THSD7A: variants seen among roughly 807,000 people sequenced by gnomAD.
THSD7A encodes the protein thrombospondin type-1 domain-containing protein 7A.
In THSD7A, 96 loss-of-function variants were observed where a neutral mutation model predicts 231.3. The ratio of observed to expected loss-of-function variants is 0.41; its 90% confidence interval spans 0.35 to 0.49. THSD7A has a LOEUF of 0.49. THSD7A is among the 20% of genes least tolerant of loss of function. The pLI, the probability that THSD7A is intolerant of heterozygous loss-of-function variation, is 0.05. For missense variants in THSD7A, 2,290 were observed against 2,070.2 expected (o/e 1.11, Z -2.06); for synonymous variants, 940 against 743.3 (o/e 1.26, Z -4.30).
At chr7:11,550,187 C>T (rs1182999738) in intron 4 of THSD7A, among the ~76,000 whole-genome samples, 5 of 151,956 alleles carry the variant, frequency 3.3e-5, no homozygotes, top group Non-Finnish European at 7.4e-5. Flanking sequence ...TATCCATACA[C>T]CAATAACATC....
chr7:11,598,011 C>T (rs1383893118), intron 2 of THSD7A, among the ~76,000 whole-genome samples: 1 of 152,266 alleles, frequency 6.6e-6, no homozygotes. Flanking sequence ...GGTATGCAGG[C>T]GCCACCTGAA....
At chr7:11,460,893 C>A in intron 10 of THSD7A, 128 bp from the exon 11 acceptor site, 1 of 659,402 alleles carries the variant, frequency 1.5e-6, no homozygotes, top group South Asian at 2.0e-5. Flanking sequence ...TCAGTTCTAT[C>A]TAAATTTAAT....
At chr7:11,418,584 A>G (rs1254924290) in intron 16 of THSD7A, among the ~76,000 whole-genome samples, 2 of 152,188 alleles carry the variant, frequency 1.3e-5, no homozygotes, top group Non-Finnish European at 2.9e-5. Flanking sequence ...CATGTTTTAA[A>G]ATATCACTTG....
intron 1 of THSD7A, among the ~76,000 whole-genome samples, chr7:11,830,930 T>C (rs554324834): frequency 6.6e-6 from 1 of 152,316 alleles, no homozygotes; most frequent in Middle Eastern, 3.4e-3. Flanking sequence ...ACATGTGAAG[T>C]TTCAGGTCCC....
chr7:11,376,321 G>A (rs760009914), intron 27 of THSD7A, among the ~76,000 whole-genome samples: 33 of 151,986 alleles, frequency 2.2e-4, no homozygotes, highest in Non-Finnish European at 4.4e-4. Context: ...TGAGTACAAA[G>A]CAATATTTTC....
chr7:11,395,475 ATAGACTTC>A (rs1229315858), intron 23 of THSD7A, among the ~76,000 whole-genome samples: 1 of 152,130 alleles, frequency 6.6e-6, no homozygotes, highest in Non-Finnish European at 1.5e-5. Flanking sequence ...AGGAGACCTA[ATAGACTTC>A]TACAAAACTC....
At chr7:11,753,773 GGA>G (rs149223505) in intron 1 of THSD7A, among the ~76,000 whole-genome samples, 8 of 149,872 alleles carry the variant, frequency 5.3e-5, no homozygotes, top group East Asian at 2.0e-4. Flanking sequence ...ACAATGCAAT[GGA>G]GAGAGAGAGA....
At chr7:11,798,645 CAT>C (rs1320992528) in intron 1 of THSD7A, among the ~76,000 whole-genome samples, 1 of 152,090 alleles carries the variant, frequency 6.6e-6, no homozygotes. Context: ...TTTTAACACA[CAT>C]GAGATTAGAA....
Position 11,707,693 on chromosome 7 carries a change from C to A in THSD7A, c.191-70732G>T, listed in dbSNP as rs564078861. ...CATCCAAACCAGCAGCTTCAAGACCCAAAGGAATGTGTTCTAAAGCCTTCA... is the reference window on the plus strand; with the variant it reads ...CATCCAAACCAGCAGCTTCAAGACCAAAAGGAATGTGTTCTAAAGCCTTCA... On this transcript the variant is annotated intron_variant, in intron 1 of 27. Coordinates refer to ENST00000423059, the MANE Select transcript of THSD7A (RefSeq NM_015204.3). 4.6e-5 allele frequency among the ~76,000 whole-genome samples: 7 copies of A among 150,868 alleles called. No homozygotes were observed. In the East Asian group the frequency reaches 1.4e-3, roughly 30 times the overall value.
At chr7:11,533,949 T>A (rs547893640) in intron 6 of THSD7A, among the ~76,000 whole-genome samples, 2 of 152,308 alleles carry the variant, frequency 1.3e-5, no homozygotes, top group African/African-American at 4.8e-5. Flanking sequence ...TTCTCATTTT[T>A]GAATGGGAGA....
At chr7:11,581,706 T>G (rs993921155) in intron 4 of THSD7A, among the ~76,000 whole-genome samples, 1 of 152,098 alleles carries the variant, frequency 6.6e-6, no homozygotes, top group African/African-American at 2.4e-5. Flanking sequence ...TGGGCATTTT[T>G]TTTTATTATC....
intron 6 of THSD7A, among the ~76,000 whole-genome samples, chr7:11,494,037 A>G (rs1435867479): frequency 2.0e-5 from 3 of 152,068 alleles, no homozygotes; most frequent in Non-Finnish European, 4.4e-5. Context: ...AGGTACAGAT[A>G]AACGTTAGTG....
chr7:11,694,060 A>G (rs1780315113), intron 1 of THSD7A, among the ~76,000 whole-genome samples: 1 of 151,506 alleles, frequency 6.6e-6, no homozygotes, highest in African/African-American at 2.4e-5. Flanking sequence ...ATGTGCAGCT[A>G]TATAAAAGTA....
chr7:11,407,678 A>T (rs561059923), intron 19 of THSD7A, among the ~76,000 whole-genome samples: 39 of 152,214 alleles, frequency 2.6e-4, no homozygotes, highest in Non-Finnish European at 5.4e-4. Context: ...GTTTTCAATA[A>T]GCAATGTAGA....
intron 1 of THSD7A, among the ~76,000 whole-genome samples, chr7:11,713,523 T>A (rs1003999174): frequency 6.6e-6 from 1 of 151,214 alleles, no homozygotes; most frequent in African/African-American, 2.4e-5. Flanking sequence ...GAGGCATAAG[T>A]AGGTATACAC....
At chr7:11,808,289 G>T (rs956176643) in intron 1 of THSD7A, among the ~76,000 whole-genome samples, 1 of 152,148 alleles carries the variant, frequency 6.6e-6, no homozygotes, top group Non-Finnish European at 1.5e-5. Flanking sequence ...TGGTGAATGG[G>T]ATTAAGGCCC....
intron 1 of THSD7A, among the ~76,000 whole-genome samples, chr7:11,658,556 A>G (rs1448830437): frequency 2.0e-5 from 3 of 151,610 alleles, no homozygotes; most frequent in Non-Finnish European, 4.4e-5. Context: ...CTCCTAAAGC[A>G]TCCTGTTTTC....
intron 1 of THSD7A, among the ~76,000 whole-genome samples, chr7:11,723,185 A>G (rs1781420025): frequency 6.6e-6 from 1 of 152,014 alleles, no homozygotes; most frequent in South Asian, 2.1e-4. Context: ...AGGGACATGG[A>G]TGAAGCTGGA....
chr7:11,576,180 C>A (rs2128336283), intron 4 of THSD7A, among the ~76,000 whole-genome samples: 1 of 152,304 alleles, frequency 6.6e-6, no homozygotes, highest in South Asian at 2.1e-4. Flanking sequence ...TTTCTACTAG[C>A]ATTTTTCCTT....
Sources: gnomAD v4.1 joint callset for allele counts (sites outside exome capture counted in the v4.1 genomes callset) on GRCh38, gnomAD v4.1.1 for gene constraint, MANE v1.5 for transcripts, NCBI Gene and HGNC (gene_info 2026-07-23, HGNC 2026-07-21) for gene names.